The following TRAPPC11 variants were observed in gnomAD, a reference collection of about 807,000 sequenced individuals.
TRAPPC11 encodes trafficking protein particle complex subunit 11.
In TRAPPC11, 104 loss-of-function variants were observed where a neutral mutation model predicts 151.2. That is an observed-to-expected ratio of 0.69 (90% CI 0.59 to 0.81). The LOEUF (loss-of-function observed/expected upper bound fraction) is 0.81, where lower values mean the gene tolerates loss of function less well. Among genes scored for constraint, TRAPPC11 ranks in the 30% least tolerant of loss-of-function variants. TRAPPC11 has a pLI of 0.00. For missense variants in TRAPPC11, 1,230 were observed against 1,349.6 expected (o/e 0.91, Z 1.39); for synonymous variants, 456 against 472.3 (o/e 0.97, Z 0.45).
chr4:183,686,916 C>T (rs1225358181), intron 18 of TRAPPC11, among the ~76,000 whole-genome samples, 168 bp downstream of exon 18: 2 of 152,176 alleles, frequency 1.3e-5, no homozygotes, highest in Admixed American at 6.5e-5. Context: ...CACAGTGGCT[C>T]ACGCCTGTAA....
chr4:183,707,629 G>A (rs530320068), intron 28 of TRAPPC11, among the ~76,000 whole-genome samples: 1 of 152,280 alleles, frequency 6.6e-6, no homozygotes, highest in South Asian at 2.1e-4. Flanking sequence ...TTAACACCTG[G>A]AAGTGTCTAT....
intron 10 of TRAPPC11, 116 bp downstream of exon 10, chr4:183,680,383 T>A: frequency 8.8e-7 from 1 of 1,142,752 alleles, no homozygotes; most frequent in Non-Finnish European, 1.2e-6. Context: ...AATTAGTTTT[T>A]ATTTTTTATA....
chr4:183,704,714 G>A (rs949638529), intron 26 of TRAPPC11, among the ~76,000 whole-genome samples: 11 of 152,038 alleles, frequency 7.2e-5, no homozygotes, highest in Non-Finnish European at 1.5e-4. Flanking sequence ...TCGGGAGGCT[G>A]AGGCAGGAGA....
intron 29 of TRAPPC11, among the ~76,000 whole-genome samples, chr4:183,711,551 A>G (rs1303633896): frequency 6.6e-6 from 1 of 152,204 alleles, no homozygotes; most frequent in East Asian, 1.9e-4. Context: ...AAAACAGTCA[A>G]GAATCAAGGA....
intron 18 of TRAPPC11, among the ~76,000 whole-genome samples, chr4:183,690,648 G>T (rs1245883608): frequency 1.3e-4 from 20 of 152,140 alleles, no homozygotes; most frequent in Admixed American, 1.3e-3. Flanking sequence ...AGTGAACAGA[G>T]AGAGAAATGA....
chr4:183,700,394 T>C (rs1241439834), intron 25 of TRAPPC11, among the ~76,000 whole-genome samples: 1 of 152,226 alleles, frequency 6.6e-6, no homozygotes, highest in East Asian at 1.9e-4. Flanking sequence ...ACCATCTTCA[T>C]TAGAAAACCA....
chr4:183,674,395 G>A (rs567407305), intron 5 of TRAPPC11, among the ~76,000 whole-genome samples: 9 of 141,570 alleles, frequency 6.4e-5, no homozygotes, highest in African/African-American at 2.1e-4. Context: ...TCCAGCCTGG[G>A]TAGTGACAGA....
At chr4:183,708,994 T>G (rs1710095236) in intron 29 of TRAPPC11, among the ~76,000 whole-genome samples, 1 of 78,484 alleles carries the variant, frequency 1.3e-5, no homozygotes, top group Admixed American at 1.1e-4. Flanking sequence ...TGATTTAATG[T>G]TTTTTTTTTA....
At chr4:183,670,631 A>T (rs1735106471) in intron 5 of TRAPPC11, among the ~76,000 whole-genome samples, 1 of 152,202 alleles carries the variant, frequency 6.6e-6, no homozygotes, top group South Asian at 2.1e-4. Flanking sequence ...TTTAAGATGG[A>T]ATCTCATTCT....
chr4:183,671,161 C>T (rs999094826), intron 5 of TRAPPC11, among the ~76,000 whole-genome samples: 15 of 152,176 alleles, frequency 9.9e-5, no homozygotes, highest in African/African-American at 2.9e-4. Context: ...CCACTGTTCC[C>T]GGCCCTGGAA....
chr4:183,688,128 C>G (rs575912892), intron 18 of TRAPPC11, among the ~76,000 whole-genome samples: 34 of 152,126 alleles, frequency 2.2e-4, no homozygotes, highest in Non-Finnish European at 3.2e-4. Context: ...CTGAGTATAG[C>G]ATATGTCGAC....
At chr4:183,684,431 G>A in intron 14 of TRAPPC11, 72 bp downstream of exon 14, 1 of 1,358,008 alleles carries the variant, frequency 7.4e-7, no homozygotes, top group Non-Finnish European at 1.0e-6. Flanking sequence ...AGAAATCAGT[G>A]TTGAAGGAGT....
At chr4:183,666,968 CG>C in intron 3 of TRAPPC11, 91 bp from the exon 4 acceptor site, 1 of 1,034,136 alleles carries the variant, frequency 9.7e-7, no homozygotes, top group Middle Eastern at 3.3e-4. Context: ...AATTTATCTT[CG>C]GTTGAATGAC....
At chr4:183,663,290 G>GT (rs554187210) in intron 1 of TRAPPC11, among the ~76,000 whole-genome samples, 3 of 152,162 alleles carry the variant, frequency 2.0e-5, no homozygotes, top group South Asian at 4.2e-4. Context: ...CTAGAGTGCA[G>GT]TGGCGCCATC....
chr4:183,685,880 C>T (rs1312563785), intron 17 of TRAPPC11, among the ~76,000 whole-genome samples: 1 of 152,160 alleles, frequency 6.6e-6, no homozygotes, highest in Non-Finnish European at 1.5e-5. Context: ...GCCACCCAGG[C>T]TGGAGTGCAG....
At chr4:183,708,164 C>T (rs1053093589) in intron 28 of TRAPPC11, among the ~76,000 whole-genome samples, 1 of 152,154 alleles carries the variant, frequency 6.6e-6, no homozygotes, top group African/African-American at 2.4e-5. Flanking sequence ...CATTGTAGGT[C>T]TTGGTAGAAA....
chr4:183,674,813 G>GCCAAATAGATAC lies in TRAPPC11; in HGVS notation c.660+1_660+2insCCAAATAGATAC. ...ATTTTTGAATAAAACAACACACCAG[G>GCCAAATAGATAC]TGCGTGATTTTTTGCAATAATAGAA... On this transcript the variant is annotated splice_donor_variant, in intron 6 of 29. Transcript: ENST00000334690. LOFTEE classifies it high-confidence loss of function. 6.4e-7 allele frequency: 1 copy of GCCAAATAGATAC among 1,563,606 alleles called. No individual in the cohort carries two copies. Among genetic ancestry groups the GCCAAATAGATAC allele is most frequent in the Non-Finnish European group, 8.7e-7 (1 of 1,152,030 alleles).
chr4:183,698,486 C>T (rs1010501038), intron 25 of TRAPPC11, among the ~76,000 whole-genome samples: 3 of 152,100 alleles, frequency 2.0e-5, no homozygotes, highest in Non-Finnish European at 2.9e-5. Context: ...GAATAATGAG[C>T]TTTAGGGTCA....
In TRAPPC11 at chr4:183,664,026, C is replaced by G. The variant is rs1404782272; in HGVS notation, c.159C>G (p.Phe53Leu). ...NRRADRVPIS[F>L]KVLPGDHEYP... ...GAGCTGATCGAGTACCAATTTCTTT[C>G]AAGGTGCTCCCAGGTGACCATGAGT... The change falls in exon 2 of 30, where the codon TTC becomes TTG. Residue 53 changes from phenylalanine (F) to leucine (L), a missense_variant. Coordinates refer to ENST00000334690, the MANE Select transcript of TRAPPC11 (RefSeq NM_021942.6). 2 of 1,613,652 alleles carry G rather than the reference C, an allele frequency of 1.2e-6. No individual in the cohort carries two copies. Among genetic ancestry groups the G allele is most frequent in the Non-Finnish European group, 1.7e-6 (2 of 1,180,022 alleles).
Sources: allele counts gnomAD v4.1 joint callset (sites outside exome capture counted in the v4.1 genomes callset), GRCh38; gene constraint gnomAD v4.1.1; transcripts MANE v1.5; gene names NCBI Gene and HGNC (gene_info 2026-07-23, HGNC 2026-07-21).